The following NF1 variants were observed in gnomAD, a reference collection of about 807,000 sequenced individuals.
The protein encoded by NF1 is neurofibromin 1.
Under a neutral mutation model 325.7 loss-of-function variants are expected in NF1, and 122 were observed. The observed-to-expected ratio is 0.37, with a 90% CI of 0.32 to 0.44. The LOEUF is 0.44. Ranked by LOEUF, NF1 falls within the 20% of genes least tolerant of loss-of-function variation. The probability of loss-of-function intolerance (pLI) is 1.00; values close to 1 mark genes in which losing one functional copy is unlikely to be tolerated. For missense variants in NF1, 2,140 were observed against 3,415.4 expected, an observed-to-expected ratio of 0.63 and a Z score of 9.31; for synonymous variants, 1,091 against 1,186.0, an observed-to-expected ratio of 0.92 and a Z score of 1.65.
chr17:31,211,022 C>T (rs1328733450), intron 12 of NF1, among the ~76,000 whole-genome samples: 1 of 152,122 alleles, frequency 6.6e-6, no homozygotes, highest in Non-Finnish European at 1.5e-5. Context: ...TGTTATTTCT[C>T]AACATTTTTT....
intron 36 of NF1, among the ~76,000 whole-genome samples, chr17:31,282,072 A>T (rs927530475): frequency 6.6e-6 from 1 of 151,930 alleles, no homozygotes; most frequent in Non-Finnish European, 1.5e-5. Context: ...AAAAAAAAAA[A>T]AAATCTTTTT....
At chr17:31,266,127 C>G (rs1193440458) in intron 36 of NF1, among the ~76,000 whole-genome samples, 1 of 152,184 alleles carries the variant, frequency 6.6e-6, no homozygotes, top group African/African-American at 2.4e-5. Flanking sequence ...ATGTTTAGAC[C>G]TAGTTCTGCT....
Position 31,222,470 on chromosome 17 carries a change from A to G in NF1, c.1721+541A>G, listed in dbSNP as rs374803243. On this transcript the variant is annotated intron_variant, in intron 15 of 57. Coordinates refer to ENST00000358273, the MANE Select transcript of NF1 (RefSeq NM_001042492.3). ...AAGTCACCACACGGAGGAAAATGTAAATGTGTAAACCTCAAGTTTGCCATT... is the reference window on the plus strand; with the variant it reads ...AAGTCACCACACGGAGGAAAATGTAGATGTGTAAACCTCAAGTTTGCCATT... 101 of 1,031,696 alleles carry G rather than the reference A, an allele frequency of 9.8e-5. 1 individual carries two copies. In the East Asian group the frequency reaches 3.7e-3, roughly 38 times the overall value. 63.9% of individuals were successfully genotyped at this position (1,031,696 alleles called of 1,614,324 possible).
At chr17:31,345,329 C>T (rs564957238) in intron 48 of NF1, among the ~76,000 whole-genome samples, 1 of 152,278 alleles carries the variant, frequency 6.6e-6, no homozygotes, top group African/African-American at 2.4e-5. Context: ...GCCTGCGACT[C>T]GGTCCCGGCG....
chr17:31,130,085 T>G (rs564671098), intron 1 of NF1, among the ~76,000 whole-genome samples: 8 of 137,226 alleles, frequency 5.8e-5, no homozygotes, highest in South Asian at 2.4e-4. Context: ...TTTTTTTTTG[T>G]TTTTTTTTTT....
chr17:31,323,847 C>T, intron 36 of NF1, among the ~76,000 whole-genome samples: 1 of 152,078 alleles, frequency 6.6e-6, no homozygotes, highest in Middle Eastern at 3.2e-3. Context: ...CTCTCTCTCT[C>T]CTTTGTCTTA....
intron 49 of NF1, 109 bp downstream of exon 49, chr17:31,349,360 A>G: frequency 2.7e-6 from 3 of 1,107,936 alleles, no homozygotes; most frequent in South Asian, 2.7e-5. Flanking sequence ...CAGAGCAGAA[A>G]GTTCACAGTC....
At chr17:31,157,808 A>C (rs964438048) in intron 2 of NF1, among the ~76,000 whole-genome samples, 2 of 151,370 alleles carry the variant, frequency 1.3e-5, no homozygotes, top group African/African-American at 4.8e-5. Flanking sequence ...AAAAAAAAAA[A>C]AAAAAAACTT....
intron 4 of NF1, among the ~76,000 whole-genome samples, chr17:31,164,197 CCTAT>C (rs1003241165): frequency 4.5e-4 from 68 of 152,208 alleles, no homozygotes; most frequent in African/African-American, 1.6e-3. Context: ...AGATTGCTTC[CCTAT>C]CTATTTTAGC....
chr17:31,111,019 C>T (rs1283895652), intron 1 of NF1, among the ~76,000 whole-genome samples: 1 of 151,944 alleles, frequency 6.6e-6, no homozygotes, highest in African/African-American at 2.4e-5. Flanking sequence ...TAGTGCATGC[C>T]ACATTAAAAA....
Position 31,232,854 on chromosome 17 carries a change from G to A in NF1, c.3469G>A (p.Val1157Ile), listed in dbSNP as rs375845704. 13 of 1,613,990 alleles carry A rather than the reference G, an allele frequency of 8.1e-6. No homozygotes were observed. The highest frequency in any genetic ancestry group is 1.1e-5 in the Non-Finnish European group (13 of 1,180,016). The change falls in exon 26 of 58, where the codon GTA becomes ATA. Residue 1157 changes from valine to isoleucine, a missense_variant. Physicochemically the swap from Val to Ile is conservative, Grantham distance 29. Around this residue, in one of 10 missense-constraint regions of NF1, gnomAD observed 380 missense variants for 639.3 expected, o/e 0.59. Transcript: ENST00000358273. The part of the protein sequence containing the change: ...LAMSNLLNAN[V>I]DSGLMHSIGL... ...AATGTCAAACTTACTCAATGCCAAC[G>A]TAGACAGTGGTCTCATGCACTCCAT...
chr17:31,132,156 C>T (rs2143470465), intron 1 of NF1, among the ~76,000 whole-genome samples: 1 of 152,038 alleles, frequency 6.6e-6, no homozygotes, highest in East Asian at 1.9e-4. Flanking sequence ...TGGTCTTGAA[C>T]TCATGGGCTC....
At chr17:31,335,861 T>A (rs1348724372) in intron 40 of NF1, among the ~76,000 whole-genome samples, 1 of 149,252 alleles carries the variant, frequency 6.7e-6, no homozygotes. Flanking sequence ...GTATTTTTTT[T>A]TTTTTTTTTT....
At chr17:31,265,643 A>G (rs2067773120) in intron 36 of NF1, among the ~76,000 whole-genome samples, 1 of 152,140 alleles carries the variant, frequency 6.6e-6, no homozygotes, top group Non-Finnish European at 1.5e-5. Flanking sequence ...TTTCAAGTAT[A>G]TTCTGATTAA....
At chr17:31,246,286 T>C (rs1329793617) in intron 29 of NF1, among the ~76,000 whole-genome samples, 1 of 152,248 alleles carries the variant, frequency 6.6e-6, no homozygotes, top group Non-Finnish European at 1.5e-5. Flanking sequence ...CTTTTGTCTA[T>C]GCAAATTCTG....
At chr17:31,256,639 A>AT (rs1474768962) in intron 31 of NF1, among the ~76,000 whole-genome samples, 2 of 152,152 alleles carry the variant, frequency 1.3e-5, no homozygotes, top group Admixed American at 6.5e-5. Flanking sequence ...AAGCACTGGA[A>AT]TTTTTTCTTA....
At chr17:31,203,126 A>G (rs1169646189) in intron 11 of NF1, among the ~76,000 whole-genome samples, 2 of 152,156 alleles carry the variant, frequency 1.3e-5, no homozygotes, top group Admixed American at 6.5e-5. Flanking sequence ...TGGACTTGGC[A>G]CTGCTGTAAG....
chr17:31,293,207 A>AAAAAAAAAAAAAAAC (rs1326132503), intron 36 of NF1, among the ~76,000 whole-genome samples: 1 of 131,906 alleles, frequency 7.6e-6, no homozygotes, highest in Non-Finnish European at 1.6e-5. Flanking sequence ...AAAAAAAAAA[A>AAAAAAAAAAAAAAAC]AAAAGAAACC....
At chr17:31,227,688 C>T (rs1655543641) in intron 20 of NF1, 82 bp downstream of exon 20, 2 of 1,243,992 alleles carry the variant, frequency 1.6e-6, no homozygotes, top group South Asian at 1.2e-5. Context: ...TCAAGAGTCG[C>T]TCAGTAAAGT....
Sources: allele counts gnomAD v4.1 joint callset (sites outside exome capture counted in the v4.1 genomes callset), GRCh38; gene constraint gnomAD v4.1.1; regional missense constraint gnomAD v4.1.1; transcripts MANE v1.5; gene names NCBI Gene and HGNC (gene_info 2026-07-23, HGNC 2026-07-21).